DIAPH2: variants seen among roughly 807,000 people sequenced by gnomAD.
DIAPH2 encodes diaphanous related formin 2.
In DIAPH2, 35 loss-of-function variants were observed where a neutral mutation model predicts 92.7. That is an observed-to-expected ratio of 0.38 (90% CI 0.29 to 0.50). The LOEUF (loss-of-function observed/expected upper bound fraction) is 0.50. Ranked by LOEUF, DIAPH2 falls within the 20% of genes least tolerant of loss-of-function variation. DIAPH2 has a pLI of 0.94. For missense variants in DIAPH2, 701 were observed against 819.5 expected, an observed-to-expected ratio of 0.86 and a Z score of 1.77; for synonymous variants, 301 against 280.4, an observed-to-expected ratio of 1.07 and a Z score of -0.73.
At chrX:97,309,702 A>G (rs2068777990) in intron 23 of DIAPH2, among the ~76,000 whole-genome samples, 1 of 112,291 alleles carries the variant, frequency 8.9e-6, no homozygotes, top group African/African-American at 3.2e-5. Flanking sequence ...TGCTATGTTT[A>G]GATACTGGTC....
intron 17 of DIAPH2, among the ~76,000 whole-genome samples, chrX:96,979,313 C>T (rs1259695373): frequency 1.8e-5 from 2 of 112,421 alleles, no homozygotes; most frequent in Non-Finnish European, 3.8e-5. Context: ...TGCCTTCTCT[C>T]CTGTTTTGTG....
intron 17 of DIAPH2, among the ~76,000 whole-genome samples, chrX:97,047,542 C>CTTTTTTTTTTTTT (rs5903064): frequency 1.7e-4 from 5 of 30,109 alleles, no homozygotes; most frequent in African/African-American, 7.8e-4. Flanking sequence ...ATAAAATAGG[C>CTTTTTTTTTTTTT]TTTTTTTTTT....
intron 25 of DIAPH2, among the ~76,000 whole-genome samples, chrX:97,413,915 A>G (rs2069909176): frequency 9.0e-6 from 1 of 111,213 alleles, no homozygotes; most frequent in African/African-American, 3.3e-5. Flanking sequence ...ACAAACAAAT[A>G]GAAGAAGAAT....
At chrX:96,796,035 G>C (rs2064536216) in intron 4 of DIAPH2, among the ~76,000 whole-genome samples, 2 of 111,908 alleles carry the variant, frequency 1.8e-5, no homozygotes, top group Non-Finnish European at 1.9e-5. Context: ...TGAGGGACTT[G>C]AGCATGTGTG....
chrX:96,932,843 C>G (rs1162016918), intron 10 of DIAPH2, among the ~76,000 whole-genome samples: 1 of 111,089 alleles, frequency 9.0e-6, no homozygotes, highest in Non-Finnish European at 1.9e-5. Flanking sequence ...ACTATAGTCA[C>G]TCTATTGTGC....
chrX:97,029,139 T>C (rs1019964942), intron 17 of DIAPH2, among the ~76,000 whole-genome samples: 2 of 97,876 alleles, frequency 2.0e-5, no homozygotes, highest in Admixed American at 2.5e-4. Flanking sequence ...TTTACTTTTT[T>C]CTTTTTCTTT....
intron 22 of DIAPH2, among the ~76,000 whole-genome samples, chrX:97,149,956 G>C (rs184214229): frequency 9.1e-6 from 1 of 109,981 alleles, no homozygotes; most frequent in Non-Finnish European, 1.9e-5. Flanking sequence ...ACAAATGACT[G>C]TCTTTAAAAT....
intron 23 of DIAPH2, among the ~76,000 whole-genome samples, chrX:97,283,692 C>T (rs761727544): frequency 8.9e-6 from 1 of 112,864 alleles, no homozygotes; most frequent in East Asian, 2.8e-4. Context: ...CCTGTAATCC[C>T]AGCACTTTGG....
intron 26 of DIAPH2, among the ~76,000 whole-genome samples, chrX:97,475,567 G>A (rs2070596925): frequency 8.9e-6 from 1 of 111,747 alleles, no homozygotes; most frequent in Admixed American, 9.5e-5. Flanking sequence ...TAATGAGCCA[G>A]AAAGGTGTTC....
Position 97,446,896 on chromosome X carries a change from G to A in DIAPH2, c.3241+17151G>A, listed in dbSNP as rs748091006. Among the ~76,000 whole-genome samples, 7 of 108,560 alleles carry A rather than the reference G, an allele frequency of 6.4e-5. No homozygotes were observed. In the South Asian group the frequency reaches 1.6e-3, roughly 25 times the overall value. 94.3% of individuals were successfully genotyped at this position (108,560 alleles called of 115,157 possible). ...AAAACTATGAAAGAAGCTCAATTTC[G>A]AAGTATGGCTTCTTTTCTGGGCCCT... On this transcript the variant is annotated intron_variant, in intron 26 of 26. Coordinates refer to ENST00000324765, the MANE Select transcript of DIAPH2 (RefSeq NM_006729.5).
intron 26 of DIAPH2, among the ~76,000 whole-genome samples, chrX:97,475,601 T>C (rs1049263813): frequency 9.0e-6 from 1 of 111,596 alleles, no homozygotes; most frequent in Non-Finnish European, 1.9e-5. Flanking sequence ...TTTAGCTGCT[T>C]AGAGTCATCT....
chrX:96,950,849 C>T (rs1386717391), intron 15 of DIAPH2, among the ~76,000 whole-genome samples: 2 of 111,511 alleles, frequency 1.8e-5, no homozygotes, highest in African/African-American at 3.3e-5. Flanking sequence ...TGACTGCTCC[C>T]CTAACTACAG....
intron 26 of DIAPH2, among the ~76,000 whole-genome samples, chrX:97,544,564 G>A (rs1174340491): frequency 1.8e-5 from 2 of 111,978 alleles, no homozygotes; most frequent in South Asian, 3.7e-4. Context: ...TTACTTCCCT[G>A]TGGAGGCTGT....
chrX:97,196,915 T>A (rs1205786067), intron 22 of DIAPH2, among the ~76,000 whole-genome samples: 2 of 108,322 alleles, frequency 1.8e-5, no homozygotes, highest in African/African-American at 6.7e-5. Context: ...GCCTCCCAAA[T>A]AGCTGAGATT....
chrX:97,576,410 C>T (rs994290342), intron 26 of DIAPH2, among the ~76,000 whole-genome samples: 4 of 110,999 alleles, frequency 3.6e-5, no homozygotes, highest in Non-Finnish European at 5.7e-5. Flanking sequence ...ACCAAATTCT[C>T]AAGGAAAAGG....
chrX:97,156,233 C>G (rs1244686077), intron 22 of DIAPH2, among the ~76,000 whole-genome samples: 2 of 112,083 alleles, frequency 1.8e-5, no homozygotes, highest in African/African-American at 3.2e-5. Flanking sequence ...AGATAACCAA[C>G]TAATTTTGAG....
At chrX:96,692,885 C>T (rs2147516244) in intron 1 of DIAPH2, among the ~76,000 whole-genome samples, 1 of 112,325 alleles carries the variant, frequency 8.9e-6, no homozygotes, top group East Asian at 2.8e-4. Context: ...AAAACAAATG[C>T]CGGTTTGGTC....
chrX:97,310,711 A>T (rs2068786159), intron 23 of DIAPH2, among the ~76,000 whole-genome samples: 1 of 110,848 alleles, frequency 9.0e-6, no homozygotes. Context: ...TGATATAGAA[A>T]CTTATGGATC....
At chrX:97,390,517 ATTTTC>A (rs763323044) in intron 25 of DIAPH2, among the ~76,000 whole-genome samples, 11 of 107,532 alleles carry the variant, frequency 1.0e-4, no homozygotes, top group South Asian at 8.1e-4. Context: ...TGCCTGGCCT[ATTTTC>A]TTTTCTTTTC....
Sources: gnomAD v4.1 joint callset for allele counts (sites outside exome capture counted in the v4.1 genomes callset) on GRCh38, gnomAD v4.1.1 for gene constraint, MANE v1.5 for transcripts, NCBI Gene and HGNC (gene_info 2026-07-23, HGNC 2026-07-21) for gene names.